PRMT3: variants seen among roughly 807,000 people sequenced by gnomAD.
PRMT3 encodes protein arginine N-methyltransferase 3.
In PRMT3, 62 loss-of-function variants were observed where a neutral mutation model predicts 71.9. That is an observed-to-expected ratio of 0.86 (90% CI 0.70 to 1.07). The LOEUF (loss-of-function observed/expected upper bound fraction) is 1.07, where lower values mean the gene tolerates loss of function less well. Ranked by LOEUF, PRMT3 falls within the 50% of genes least tolerant of loss-of-function variation. The pLI is 0.00. For missense variants in PRMT3, 663 were observed against 643.0 expected (o/e 1.03, Z -0.34); for synonymous variants, 213 against 220.4 (o/e 0.97, Z 0.30).
intron 10 of PRMT3, among the ~76,000 whole-genome samples, chr11:20,445,282 G>C (rs1393593523): frequency 6.6e-6 from 1 of 151,844 alleles, no homozygotes; most frequent in East Asian, 1.9e-4. Flanking sequence ...AAAATTTTAT[G>C]TGCAAATAGT....
chr11:20,388,886 T>C (rs887851604), intron 2 of PRMT3, among the ~76,000 whole-genome samples: 1 of 152,254 alleles, frequency 6.6e-6, no homozygotes, highest in Non-Finnish European at 1.5e-5. Flanking sequence ...CCGGTTGGCA[T>C]TGGCCGGTGT....
At chr11:20,433,609 G>T (rs950698732) in intron 10 of PRMT3, among the ~76,000 whole-genome samples, 7 of 151,892 alleles carry the variant, frequency 4.6e-5, no homozygotes, top group Non-Finnish European at 1.0e-4. Flanking sequence ...TCACAAGGTA[G>T]TTCTGTTTTG....
At chr11:20,417,816 GAC>G (rs750127497) in intron 9 of PRMT3, among the ~76,000 whole-genome samples, 4 of 151,614 alleles carry the variant, frequency 2.6e-5, no homozygotes, top group Non-Finnish European at 5.9e-5. Context: ...GTTGTGCACA[GAC>G]ACAACCCTCT....
At chr11:20,496,401 TAGTG>T (rs1851333018) in intron 15 of PRMT3, among the ~76,000 whole-genome samples, 1 of 151,986 alleles carries the variant, frequency 6.6e-6, no homozygotes, top group South Asian at 2.1e-4. Context: ...TGGGGCGACA[TAGTG>T]AGACCCTGTC....
At chr11:20,467,060 G>A (rs906468889) in intron 13 of PRMT3, among the ~76,000 whole-genome samples, 2 of 152,160 alleles carry the variant, frequency 1.3e-5, no homozygotes, top group African/African-American at 4.8e-5. Context: ...TTGGAGTGGA[G>A]TTACAGGTGT....
intron 11 of PRMT3, among the ~76,000 whole-genome samples, chr11:20,459,763 G>A (rs1185199467): frequency 3.9e-5 from 6 of 152,156 alleles, no homozygotes; most frequent in Non-Finnish European, 8.8e-5. Context: ...TTTTTATTCA[G>A]TGTTTCTCAT....
chr11:20,402,334 G>T (rs927046252), intron 7 of PRMT3, among the ~76,000 whole-genome samples: 3 of 152,134 alleles, frequency 2.0e-5, no homozygotes, highest in African/African-American at 7.2e-5. Flanking sequence ...GGTCAGGCTG[G>T]TCTCGAACTC....
intron 15 of PRMT3, among the ~76,000 whole-genome samples, chr11:20,500,528 A>G (rs189031899): frequency 2.0e-5 from 3 of 152,350 alleles, no homozygotes; most frequent in Admixed American, 2.0e-4. Flanking sequence ...GCAGTATAGT[A>G]GTGGTGTTTA....
intron 7 of PRMT3, 80 bp downstream of exon 7, chr11:20,397,801 A>G (rs1848861016): frequency 3.5e-6 from 5 of 1,427,436 alleles, no homozygotes; most frequent in South Asian, 1.4e-5. Context: ...TGTGTGCACT[A>G]TAGGAGACCT....
At chr11:20,434,005 G>A (rs1849711572) in intron 10 of PRMT3, among the ~76,000 whole-genome samples, 2 of 152,140 alleles carry the variant, frequency 1.3e-5, no homozygotes, top group South Asian at 4.1e-4. Context: ...CAGTGTTTAA[G>A]TGTTGCCTTT....
In PRMT3 at chr11:20,508,328, C is replaced by A. The variant is rs770522015; in HGVS notation, c.1511C>A (p.Thr504Lys). Reference protein sequence around the residue: ...KAGEALKGKVTVHKNKKDPRS... With the variant: ...KAGEALKGKVKVHKNKKDPRS... ...GGTGAAGCCTTGAAAGGAAAGGTCA[C>A]AGTTCACAAGAATAAGAAAGATCCA... Residue 504 changes from threonine to lysine, a missense_variant, in exon 16 of 16, where the codon ACA (threonine) becomes AAA (lysine). Transcript: ENST00000331079. The A allele has an allele frequency of 6.2e-7, 1 of 1,609,878 alleles. No individual in the cohort carries two copies. Among genetic ancestry groups the A allele is most frequent in the Non-Finnish European group, 8.5e-7 (1 of 1,176,358 alleles).
At chr11:20,388,217 C>T (rs537474687) in intron 2 of PRMT3, 63 bp downstream of exon 2, 3 of 1,602,970 alleles carry the variant, frequency 1.9e-6, no homozygotes, top group African/African-American at 2.7e-5. Flanking sequence ...GTCTGTGTGC[C>T]CAGGAACGCC....
intron 15 of PRMT3, among the ~76,000 whole-genome samples, chr11:20,497,334 C>T (rs1391824968): frequency 6.6e-6 from 1 of 152,144 alleles, no homozygotes; most frequent in African/African-American, 2.4e-5. Context: ...CCTGCTGGCA[C>T]CACCTGTGTT....
intron 9 of PRMT3, among the ~76,000 whole-genome samples, chr11:20,417,774 TCA>T (rs34609751): frequency 0.72 from 106,953 of 149,296 alleles, 39,722 homozygotes; most frequent in Non-Finnish European, 0.83. Context: ...TCTCTCTCTG[TCA>T]CACACACACA....
chr11:20,402,049 G>A (rs1590036371), intron 7 of PRMT3, among the ~76,000 whole-genome samples: 1 of 152,070 alleles, frequency 6.6e-6, no homozygotes, highest in East Asian at 1.9e-4. Flanking sequence ...ATCCAGTTTA[G>A]TGTAATTTTT....
rs1452755436 is a variant in PRMT3, at chr11:20,388,111, C to G, written c.121C>G (p.Leu41Val). The change falls in exon 2 of 16, where the codon CTC (leucine) becomes GTC (valine). Residue 41 changes from leucine (L) to valine (V), a missense_variant. Physicochemically the swap from Leu to Val is conservative, Grantham distance 32. Coordinates refer to ENST00000331079, the MANE Select transcript of PRMT3 (RefSeq NM_005788.4). ...CTGGGAGGATGAGGACGATGCAGAT[C>G]TCCCCCACGGCAAGCAGCAGACCCC... ...AAWEDEDDAD[L>V]PHGKQQTPCL... 1 of 1,613,938 alleles carries G rather than the reference C, an allele frequency of 6.2e-7. No homozygotes were observed. The highest frequency in any genetic ancestry group is 2.2e-5 in the East Asian group (1 of 44,876).
At chr11:20,453,063 A>G (rs1850185216) in intron 11 of PRMT3, among the ~76,000 whole-genome samples, 1 of 152,182 alleles carries the variant, frequency 6.6e-6, no homozygotes, top group Non-Finnish European at 1.5e-5. Flanking sequence ...GTCAGAATAC[A>G]GTTGGTAAAA....
intron 9 of PRMT3, among the ~76,000 whole-genome samples, chr11:20,409,119 A>C (rs904219781): frequency 4.6e-5 from 7 of 152,194 alleles, no homozygotes; most frequent in Non-Finnish European, 1.0e-4. Flanking sequence ...TTTAAATTTG[A>C]TTAATGTTGG....
At chr11:20,454,672 T>C (rs1850228728) in intron 11 of PRMT3, among the ~76,000 whole-genome samples, 1 of 152,150 alleles carries the variant, frequency 6.6e-6, no homozygotes, top group Non-Finnish European at 1.5e-5. Flanking sequence ...CATTGTTTTA[T>C]CACAAAGCAA....
Sources: gnomAD v4.1 joint callset for allele counts (sites outside exome capture counted in the v4.1 genomes callset) on GRCh38, gnomAD v4.1.1 for gene constraint, MANE v1.5 for transcripts, NCBI Gene and HGNC (gene_info 2026-07-23, HGNC 2026-07-21) for gene names.